Variants in SNTG2 observed in about 807,000 individuals in gnomAD.
SNTG2 encodes the protein syntrophin gamma 2.
A neutral mutation model predicts 70.9 loss-of-function variants in SNTG2; 74 were observed. The observed-to-expected ratio is 1.04, with a 90% CI of 0.86 to 1.27. The LOEUF is 1.27. Ranked by LOEUF, SNTG2 falls within the 50% of genes most tolerant of loss-of-function variation. The pLI is 0.00. For synonymous variants in SNTG2, 278 were observed against 273.8 expected (o/e 1.02, Z -0.15); for missense variants, 717 against 690.7 (o/e 1.04, Z -0.43).
chr2:1,155,843 G>C (rs1350086169), intron 6 of SNTG2, among the ~76,000 whole-genome samples: 1 of 152,114 alleles, frequency 6.6e-6, no homozygotes, highest in East Asian at 1.9e-4. Context: ...TAGGAGCCCT[G>C]GACTGGAAGT....
intron 6 of SNTG2, chr2:1,160,904 T>C (rs1430347336): frequency 1.3e-5 from 2 of 152,272 alleles, no homozygotes; most frequent in Non-Finnish European, 1.5e-5. Context: ...CACCCAGGCA[T>C]GGCTAAGCTG....
chr2:959,123 A>T (rs1572164068), intron 1 of SNTG2, among the ~76,000 whole-genome samples: 2 of 152,212 alleles, frequency 1.3e-5, no homozygotes, highest in East Asian at 3.8e-4. Flanking sequence ...ATTCATTTCT[A>T]TGTTGAATAA....
intron 16 of SNTG2, among the ~76,000 whole-genome samples, chr2:1,330,915 G>A (rs1011359507): frequency 6.6e-6 from 1 of 152,174 alleles, no homozygotes; most frequent in Admixed American, 6.5e-5. Context: ...TCAGGTCGAT[G>A]TGTGCCGGTT....
At position 1,176,915 on chromosome 2, in the gene SNTG2, G is replaced by A. The variant is rs143980645; in HGVS notation, c.591+3732G>A. Among the ~76,000 whole-genome samples, 669 of 152,240 alleles carry A rather than the reference G, an allele frequency of 4.4e-3. 3 individuals carry two copies. Among genetic ancestry groups the A allele is most frequent in the Admixed American group, 0.015 (233 of 15,286 alleles). On this transcript the variant is annotated intron_variant, in intron 8 of 16. Coordinates refer to ENST00000308624, the MANE Select transcript of SNTG2 (RefSeq NM_018968.4). ...AATTCATTCAACCATTGTGGAAGAC[G>A]GTGTGGTGATTCCTCAAAGGTCTAG...
intron 16 of SNTG2, among the ~76,000 whole-genome samples, chr2:1,359,586 A>G (rs1661032158): frequency 6.6e-6 from 1 of 152,170 alleles, no homozygotes; most frequent in Non-Finnish European, 1.5e-5. Flanking sequence ...CTTGTACACA[A>G]CATATAGTTA....
At chr2:1,334,224 A>T (rs1659681098) in intron 16 of SNTG2, among the ~76,000 whole-genome samples, 1 of 152,246 alleles carries the variant, frequency 6.6e-6, no homozygotes, top group Non-Finnish European at 1.5e-5. Flanking sequence ...AGGGAAATGC[A>T]AATTAAAACC....
intron 4 of SNTG2, among the ~76,000 whole-genome samples, chr2:1,119,645 AAAC>A (rs751267786): frequency 6.6e-6 from 1 of 152,030 alleles, no homozygotes; most frequent in South Asian, 2.1e-4. Context: ...AATATCCACA[AAAC>A]AACAACAGCA....
chr2:1,358,136 C>A (rs1040212497), intron 16 of SNTG2, among the ~76,000 whole-genome samples: 1 of 152,060 alleles, frequency 6.6e-6, no homozygotes, highest in East Asian at 1.9e-4. Context: ...GACTCTAATT[C>A]CAATAGCGGA....
At chr2:1,043,524 T>C (rs1430914206) in intron 1 of SNTG2, among the ~76,000 whole-genome samples, 1 of 152,190 alleles carries the variant, frequency 6.6e-6, no homozygotes, top group East Asian at 1.9e-4. Flanking sequence ...TTTCCAAGTT[T>C]CTTCTAGGAT....
chr2:1,056,323 T>C (rs60987311), intron 1 of SNTG2, among the ~76,000 whole-genome samples: 1 of 8,938 alleles, frequency 1.1e-4, no homozygotes, highest in African/African-American at 6.6e-4. Flanking sequence ...GGCCGCGCCG[T>C]GCTGTGGGGA....
At chr2:1,280,986 C>T (rs1679485928) in intron 14 of SNTG2, among the ~76,000 whole-genome samples, 1 of 152,254 alleles carries the variant, frequency 6.6e-6, no homozygotes, top group East Asian at 1.9e-4. Flanking sequence ...GAAAGGCCTA[C>T]TGGCCCTTAT....
intron 16 of SNTG2, among the ~76,000 whole-genome samples, chr2:1,356,863 G>T (rs1177728274): frequency 2.0e-5 from 3 of 151,538 alleles, no homozygotes; most frequent in African/African-American, 7.3e-5. Flanking sequence ...AGTTTTCAGT[G>T]TACAAGTCTT....
chr2:1,081,932 A>C (rs1240242381), intron 1 of SNTG2, among the ~76,000 whole-genome samples: 1 of 152,246 alleles, frequency 6.6e-6, no homozygotes, highest in East Asian at 1.9e-4. Context: ...GTGTGAGCAC[A>C]GTCCTGCATG....
At chr2:1,026,546 C>T (rs79765972) in intron 1 of SNTG2, among the ~76,000 whole-genome samples, 3,409 of 152,238 alleles carry the variant, frequency 0.022, 117 homozygotes, top group African/African-American at 0.071. Context: ...TATCATTGTA[C>T]GGGCTAGAGT....
At chr2:1,036,955 C>T (rs973526522) in intron 1 of SNTG2, among the ~76,000 whole-genome samples, 9 of 151,820 alleles carry the variant, frequency 5.9e-5, no homozygotes, top group African/African-American at 1.9e-4. Context: ...GTTGTGCCCA[C>T]ATCATGTGCT....
rs920357230 is a variant in SNTG2, at chr2:1,064,437, GTATA to G, written c.73-19076_73-19073del. Among the ~76,000 whole-genome samples, 338 of 150,658 alleles carry G rather than the reference GTATA, an allele frequency of 2.2e-3. 2 individuals carry two copies. The highest frequency in any genetic ancestry group is 8.0e-3 in the African/African-American group (329 of 41,228). On this transcript the variant is annotated intron_variant, in intron 1 of 16. Coordinates refer to ENST00000308624, the MANE Select transcript of SNTG2 (RefSeq NM_018968.4). ...TGCATTGATATATAATTATATATAT[GTATA>G]TATACTGAAATATAATTTTAAGTTT...
intron 9 of SNTG2, among the ~76,000 whole-genome samples, chr2:1,236,112 G>A (rs190192189): frequency 2.0e-5 from 3 of 152,186 alleles, no homozygotes; most frequent in East Asian, 1.9e-4. Flanking sequence ...TGTATATGTC[G>A]CACCAGTTAA....
chr2:1,286,875 G>C (rs537516531), intron 14 of SNTG2, among the ~76,000 whole-genome samples: 1 of 152,204 alleles, frequency 6.6e-6, no homozygotes, highest in Non-Finnish European at 1.5e-5. Context: ...TTGCTCTGAA[G>C]AACATTCGTC....
Position 1,183,884 on chromosome 2 carries a change from T to C in SNTG2, c.591+10701T>C, listed in dbSNP as rs563351009. Among the ~76,000 whole-genome samples, 5 of 152,350 alleles carry C rather than the reference T, an allele frequency of 3.3e-5. No individual in the cohort carries two copies. The South Asian group carries it at 1.0e-3, about 32-fold the overall frequency. On this transcript the variant is annotated intron_variant, in intron 8 of 16. Coordinates refer to ENST00000308624, the MANE Select transcript of SNTG2 (RefSeq NM_018968.4). ...TTTCCATGTATATCCAATTTTTTTT[T>C]CTCAAACAAATATAAGGAAAGGTGC... is the stretch of plus-strand genomic sequence containing the variant.
Sources: gnomAD v4.1 joint callset for allele counts (sites outside exome capture counted in the v4.1 genomes callset) on GRCh38, gnomAD v4.1.1 for gene constraint, MANE v1.5 for transcripts, NCBI Gene and HGNC (gene_info 2026-07-23, HGNC 2026-07-21) for gene names.